Variants in KALRN observed in about 807,000 individuals in gnomAD.
KALRN encodes kalirin.
In KALRN, 70 loss-of-function variants were observed where a neutral mutation model predicts 353.7. That is an observed-to-expected ratio of 0.20 (90% CI 0.16 to 0.24). The LOEUF (loss-of-function observed/expected upper bound fraction) is 0.24, where lower values mean the gene tolerates loss of function less well. Ranked by LOEUF, KALRN falls within the 10% of genes least tolerant of loss-of-function variation. The pLI, the probability that KALRN is intolerant of heterozygous loss-of-function variation, is 1.00. For synonymous variants in KALRN, 1,391 were observed against 1,434.8 expected (o/e 0.97, Z 0.69); for missense variants, 2,791 against 3,756.7 (o/e 0.74, Z 6.72).
chr3:124,584,019 A>T (rs1457738804), intron 34 of KALRN, among the ~76,000 whole-genome samples: 1 of 152,182 alleles, frequency 6.6e-6, no homozygotes, highest in Non-Finnish European at 1.5e-5. Context: ...AAAATTTTTT[A>T]AAGAAAATCT....
chr3:124,416,985 A>T (rs987633062), intron 14 of KALRN, among the ~76,000 whole-genome samples: 5 of 152,228 alleles, frequency 3.3e-5, no homozygotes, highest in Non-Finnish European at 7.3e-5. Flanking sequence ...AGTTTATAAT[A>T]TTGAGCCAGG....
intron 1 of KALRN, among the ~76,000 whole-genome samples, chr3:124,129,544 G>T (rs1016368459): frequency 6.6e-6 from 1 of 152,214 alleles, no homozygotes; most frequent in Non-Finnish European, 1.5e-5. Flanking sequence ...TTAGGTGTGG[G>T]ATGTGATGCT....
At chr3:124,681,756 A>G (rs1165060343) in intron 51 of KALRN, among the ~76,000 whole-genome samples, 3 of 149,252 alleles carry the variant, frequency 2.0e-5, no homozygotes, top group Non-Finnish European at 4.4e-5. Flanking sequence ...CAGCCTCCTG[A>G]GTAGCTGGGA....
chr3:124,309,632 A>T (rs967632456), intron 6 of KALRN, among the ~76,000 whole-genome samples: 2 of 152,202 alleles, frequency 1.3e-5, no homozygotes, highest in Non-Finnish European at 2.9e-5. Context: ...AGTGGGAGTC[A>T]TCCCAGAATT....
intron 10 of KALRN, among the ~76,000 whole-genome samples, chr3:124,374,669 C>A (rs947535874): frequency 6.6e-6 from 1 of 152,172 alleles, no homozygotes; most frequent in Non-Finnish European, 1.5e-5. Flanking sequence ...CCACAGTTTT[C>A]AGCAGTATTT....
chr3:124,646,464 C>T (rs1399165588), intron 37 of KALRN, among the ~76,000 whole-genome samples: 1 of 144,550 alleles, frequency 6.9e-6, no homozygotes, highest in African/African-American at 2.6e-5. Flanking sequence ...GATCTCGGCT[C>T]ACTGCAACCT....
At chr3:124,234,155 T>A (rs1550752) in intron 2 of KALRN, among the ~76,000 whole-genome samples, 6 of 152,202 alleles carry the variant, frequency 3.9e-5, no homozygotes, top group South Asian at 2.1e-4. Context: ...TCAGTATGTA[T>A]GTATGCATTT....
At chr3:124,453,373 C>G (rs1157728528) in intron 21 of KALRN, among the ~76,000 whole-genome samples, 4 of 152,182 alleles carry the variant, frequency 2.6e-5, no homozygotes, top group Non-Finnish European at 5.9e-5. Context: ...AGAGCTGGAT[C>G]CCTGGTCCCT....
At chr3:124,253,819 C>A (rs1444595430) in intron 3 of KALRN, among the ~76,000 whole-genome samples, 2 of 152,186 alleles carry the variant, frequency 1.3e-5, no homozygotes, top group African/African-American at 4.8e-5. Context: ...CACACCCAGG[C>A]CAAAGGAACC....
chr3:124,351,567 T>C (rs2082834698), intron 10 of KALRN, among the ~76,000 whole-genome samples: 1 of 152,092 alleles, frequency 6.6e-6, no homozygotes. Flanking sequence ...AAGCAAGCCC[T>C]CAACAGAGGG....
chr3:124,637,712 G>C (rs1249541486), intron 37 of KALRN, among the ~76,000 whole-genome samples: 2 of 152,166 alleles, frequency 1.3e-5, no homozygotes, highest in African/African-American at 4.8e-5. Context: ...TGGGGACTTG[G>C]GTAGCCTTCC....
chr3:124,636,706 A>T (rs184142954), intron 36 of KALRN, among the ~76,000 whole-genome samples: 1 of 143,914 alleles, frequency 6.9e-6, no homozygotes, highest in African/African-American at 2.5e-5. Flanking sequence ...TGCCCCTAGC[A>T]TTTTTGCTGG....
intron 34 of KALRN, among the ~76,000 whole-genome samples, chr3:124,606,065 T>C (rs923358533): frequency 6.6e-6 from 1 of 152,150 alleles, no homozygotes; most frequent in Non-Finnish European, 1.5e-5. Context: ...TTTATCCCCA[T>C]CATGAATAGC....
At position 124,480,018 on chromosome 3, in the gene KALRN, C is replaced by T. The variant is rs143093226; in HGVS notation, c.4191+2684C>T. On this transcript the variant is annotated intron_variant, in intron 27 of 59. Transcript: ENST00000682506. ...GACTACAGGCGTGAGCCACCGCGCC[C>T]GGCCGATCCAGAATGTTTGACCCAT... 7.9e-5 allele frequency among the ~76,000 whole-genome samples: 12 copies of T among 152,278 alleles called. 1 individual carries two copies. The East Asian group carries it at 2.1e-3, about 27-fold the overall frequency.
intron 3 of KALRN, among the ~76,000 whole-genome samples, 177 bp downstream of exon 3, chr3:124,235,120 A>T (rs909734821): frequency 1.3e-5 from 2 of 152,102 alleles, no homozygotes; most frequent in African/African-American, 4.8e-5. Flanking sequence ...GTTACTGCTG[A>T]GATTCATGTG....
chr3:124,483,715 C>A lies in KALRN; in HGVS notation c.4284+815C>A, dbSNP rs538421861. 1.1e-4 allele frequency among the ~76,000 whole-genome samples: 16 copies of A among 152,288 alleles called. No individual in the cohort carries two copies. The South Asian group carries it at 3.3e-3, about 32-fold the overall frequency. On this transcript the variant is annotated intron_variant, in intron 28 of 59. Coordinates refer to ENST00000682506, the MANE Select transcript of KALRN (RefSeq NM_001388419.1). ...AATAGTCAAAGGGTACATATTAAAA[C>A]ACAAGGGTATTCTTATATCTGTAGG...
chr3:124,514,532 C>T (rs954481900), intron 33 of KALRN, among the ~76,000 whole-genome samples: 7 of 152,230 alleles, frequency 4.6e-5, no homozygotes, highest in African/African-American at 1.7e-4. Context: ...TGGCATTTTA[C>T]ATGTACTCTC....
intron 21 of KALRN, among the ~76,000 whole-genome samples, chr3:124,452,403 C>T (rs2058876173): frequency 6.6e-6 from 1 of 152,084 alleles, no homozygotes; most frequent in Non-Finnish European, 1.5e-5. Flanking sequence ...ATAATACTTA[C>T]CTTTTAGGGT....
At chr3:124,584,971 A>C in intron 34 of KALRN, 4 of 1,045,458 alleles carry the variant, frequency 3.8e-6, no homozygotes, top group Non-Finnish European at 2.7e-6. Flanking sequence ...AGCGCGAGGG[A>C]GGGTGGTAGG....
Sources: gnomAD v4.1 joint callset for allele counts (sites outside exome capture counted in the v4.1 genomes callset) on GRCh38, gnomAD v4.1.1 for gene constraint, MANE v1.5 for transcripts, NCBI Gene and HGNC (gene_info 2026-07-23, HGNC 2026-07-21) for gene names.